The following TMEM247 variants were observed in gnomAD, a reference collection of about 807,000 sequenced individuals.
TMEM247 encodes the protein transmembrane protein ENSP00000343375.
Under a neutral mutation model 20.7 loss-of-function variants are expected in TMEM247, and 23 were observed. The observed-to-expected ratio is 1.11, with a 90% CI of 0.80 to 1.57. The LOEUF (loss-of-function observed/expected upper bound fraction) is 1.57. Among genes scored for constraint, TMEM247 ranks in the 40% most tolerant of loss-of-function variants. TMEM247 has a pLI of 0.00. For synonymous variants in TMEM247, 106 were observed against 111.9 expected (o/e 0.95, Z 0.33); for missense variants, 354 against 283.8 (o/e 1.25, Z -1.78).
chr2:46,480,708 G>C (rs1019662199), exon 2 of TMEM247: 3 of 1,550,780 alleles, frequency 1.9e-6, no homozygotes, highest in Non-Finnish European at 2.6e-6. Flanking sequence ...GCTGCAGCGG[G>C]AGCGGCAGCA....
Position 46,482,099 on chromosome 2 carries a change from T to C in TMEM247, c.477+1335T>C, listed in dbSNP as rs1027215097. ...TTAAGAAAGTAAGGTTGGTTTTGCA[T>C]CATTTGTTCTCAATGAGCACGTGCT... On this transcript the variant is annotated intron_variant, in intron 2 of 2. Coordinates refer to ENST00000434431, the Ensembl canonical transcript of TMEM247. Among the ~76,000 whole-genome samples the C allele has an allele frequency of 2.0e-5, 3 of 152,252 alleles. No homozygotes were observed. In the South Asian group the frequency reaches 6.2e-4, roughly 32 times the overall value.
At chr2:46,480,455 G>C (rs1412937059) in exon 2 of TMEM247, 1 of 1,551,596 alleles carries the variant, frequency 6.4e-7, no homozygotes, top group South Asian at 1.2e-5. Flanking sequence ...TGGAAGAGAT[G>C]GAAGCTTGTG....
intron 2 of TMEM247, among the ~76,000 whole-genome samples, chr2:46,483,426 TG>T: frequency 6.6e-6 from 1 of 152,298 alleles, no homozygotes; most frequent in South Asian, 2.1e-4. Flanking sequence ...TGAAGGACCA[TG>T]GGCTGACCCA....
chr2:46,480,467 G>A, exon 2 of TMEM247: 1 of 1,551,682 alleles, frequency 6.4e-7, no homozygotes, highest in Non-Finnish European at 8.7e-7. Context: ...AAGCTTGTGA[G>A]GACGGAGGCT....
rs560889222 is a variant in TMEM247 at position 46,480,864 on chromosome 2, C to T, written c.477+100C>T. ...CCACCTTCCCTGCTTTGCGCGGCAC[C>T]CCACCCTGCAGATCCTGGATCTCGG... On this transcript the variant is annotated intron_variant, in intron 2 of 2. Transcript: ENST00000434431. 2.6e-5 allele frequency: 37 copies of T among 1,401,292 alleles called. 1 individual carries two copies. In the Admixed American group the frequency reaches 5.4e-4, roughly 20 times the overall value. The allele number at this position is 1,401,292 out of a possible 1,614,324, so 86.8% of individuals were successfully genotyped here. A position where few individuals can be genotyped will look rare whatever the true frequency, so the allele number is the denominator to read the frequency against.
Position 46,480,404 on chromosome 2 carries a change from G to C in TMEM247, c.118-1G>C. 1 of 1,539,870 alleles carries C rather than the reference G, an allele frequency of 6.5e-7. No homozygotes were observed. The highest frequency in any genetic ancestry group is 8.8e-7 in the Non-Finnish European group (1 of 1,141,148). ...TCCCCTCCCTGCTTCCCCTACGCCA[G>C]GAGGCAGAGTCCCAGAAGCCAGACT... On this transcript the variant is annotated splice_acceptor_variant, in intron 1 of 2. Transcript: ENST00000434431. LOFTEE classifies it high-confidence loss of function.
intron 2 of TMEM247, among the ~76,000 whole-genome samples, chr2:46,482,505 A>C (rs928011912): frequency 6.6e-6 from 1 of 152,236 alleles, no homozygotes; most frequent in Non-Finnish European, 1.5e-5. Flanking sequence ...TCCTTGCTGG[A>C]TGAGATGGAA....
rs1391994681 is a variant in TMEM247 at position 46,480,579 on chromosome 2, A to C, written c.292A>C (p.Thr98Pro). ...CGCAGAGCTGCCCCCGACCCCTGGG[A>C]CTGAGCGCAATCCCGAGATGGAGCT... Residue 98 changes from threonine (T) to proline (P), a missense_variant, in exon 2 of 3, where the codon ACT becomes CCT. Transcript: ENST00000434431. The C allele has an allele frequency of 2.6e-6, 4 of 1,551,732 alleles. No homozygotes were observed. In the East Asian group the frequency reaches 9.8e-5, roughly 38 times the overall value.
chr2:46,484,091 C>T (rs1484620679), intron 2 of TMEM247, among the ~76,000 whole-genome samples, 153 bp from the exon 3 acceptor site: 7 of 152,278 alleles, frequency 4.6e-5, no homozygotes, highest in Admixed American at 1.3e-4. Context: ...TTGCCCAGCC[C>T]TCATGATTTT....
chr2:46,480,509 G>C (rs941408129), exon 2 of TMEM247: 10 of 1,551,734 alleles, frequency 6.4e-6, no homozygotes, highest in Non-Finnish European at 8.7e-6. Context: ...TGTCCCCCAA[G>C]TCCTGCCGTG....
chr2:46,481,116 A>C (rs1008268689), intron 2 of TMEM247, among the ~76,000 whole-genome samples: 9 of 152,108 alleles, frequency 5.9e-5, no homozygotes, highest in Non-Finnish European at 1.2e-4. Flanking sequence ...GCTTCAAGGA[A>C]AAGTCTTCAA....
At chr2:46,482,807 A>G (rs1686915097) in intron 2 of TMEM247, among the ~76,000 whole-genome samples, 1 of 152,132 alleles carries the variant, frequency 6.6e-6, no homozygotes, top group Non-Finnish European at 1.5e-5. Context: ...CTAGCTATTC[A>G]TTTTAGAGGC....
At position 46,484,242 on chromosome 2, in the gene TMEM247, A is replaced by G. The variant is rs767219913; in HGVS notation, c.478-2A>G. ...ATCTCCACTGTCTTCTCTCCCCCAC[A>G]GTTTTCAGGAGGCCTCCAGAACTTC... On this transcript the variant is annotated splice_acceptor_variant, in intron 2 of 2. Transcript: ENST00000434431. LOFTEE classifies it high-confidence loss of function. The G allele has an allele frequency of 2.1e-5, 32 of 1,548,164 alleles. No homozygotes were observed. The African/African-American group carries it at 3.3e-4, about 16-fold the overall frequency.
chr2:46,480,594 G>A (rs917476729), exon 2 of TMEM247: 5 of 1,551,380 alleles, frequency 3.2e-6, no homozygotes, highest in South Asian at 2.4e-5. Context: ...GCGCAATCCC[G>A]AGATGGAGCT....
At chr2:46,483,039 G>A (rs969657668) in intron 2 of TMEM247, among the ~76,000 whole-genome samples, 8 of 152,226 alleles carry the variant, frequency 5.3e-5, no homozygotes, top group Non-Finnish European at 1.0e-4. Flanking sequence ...CGGACAGAGA[G>A]AGTGTATTGA....
At chr2:46,483,943 G>A (rs1686938539) in intron 2 of TMEM247, among the ~76,000 whole-genome samples, 1 of 152,060 alleles carries the variant, frequency 6.6e-6, no homozygotes, top group South Asian at 2.1e-4. Flanking sequence ...CACGCCACCA[G>A]ATTTGGCTAA....
At chr2:46,480,700 T>C (rs550741414) in exon 2 of TMEM247, 111 of 1,549,296 alleles carry the variant, frequency 7.2e-5, no homozygotes, top group Non-Finnish European at 8.6e-5. Context: ...ATGGAGCAGC[T>C]GCAGCGGGAG....
chr2:46,484,115 A>G (rs1686941994), intron 2 of TMEM247, 129 bp from the exon 3 acceptor site: 1 of 842,908 alleles, frequency 1.2e-6, no homozygotes, highest in African/African-American at 1.7e-5. Flanking sequence ...AATGGGCACT[A>G]TTACCCTTTC....
At chr2:46,480,663 C>G (rs1339575577) in exon 2 of TMEM247, 4 of 1,551,670 alleles carry the variant, frequency 2.6e-6, no homozygotes, top group South Asian at 2.4e-5. Flanking sequence ...TGAGAAGAAC[C>G]AGCGGCAGCG....
Sources: allele counts gnomAD v4.1 joint callset (sites outside exome capture counted in the v4.1 genomes callset), GRCh38; gene constraint gnomAD v4.1.1; transcripts MANE v1.5; gene names NCBI Gene and HGNC (gene_info 2026-07-23, HGNC 2026-07-21).